The following VEGFB variants were observed in gnomAD, a reference collection of about 807,000 sequenced individuals.
VEGFB encodes the protein vascular endothelial growth factor B.
In VEGFB, 24 loss-of-function variants were observed where a neutral mutation model predicts 22.5. The ratio of observed to expected loss-of-function variants is 1.07; its 90% confidence interval spans 0.77 to 1.50. The LOEUF is 1.50. Ranked by LOEUF, VEGFB falls within the 40% of genes most tolerant of loss-of-function variation. VEGFB has a pLI of 0.00. For missense variants in VEGFB, 327 were observed against 287.8 expected (o/e 1.14, Z -0.99); for synonymous variants, 141 against 117.4 (o/e 1.20, Z -1.30).
At chr11:64,237,309 T>C in intron 5 of VEGFB, 87 bp downstream of exon 5, 3 of 1,482,178 alleles carry the variant, frequency 2.0e-6, no homozygotes, top group Non-Finnish European at 2.8e-6. Context: ...CTCCCACCCG[T>C]CCCCCACTTT....
intron 1 of VEGFB, 48 bp from the exon 2 acceptor site, chr11:64,235,410 A>T (rs1473829970): frequency 6.3e-7 from 1 of 1,588,212 alleles, no homozygotes; most frequent in Non-Finnish European, 8.6e-7. Context: ...TGACAGGGCC[A>T]CACCCTCCTA....
At chr11:64,238,027 A>G (rs2030231374) in intron 6 of VEGFB, 2 of 507,564 alleles carry the variant, frequency 3.9e-6, no homozygotes, top group Non-Finnish European at 7.0e-6. Context: ...TGTGGTAGAC[A>G]TCTGCCCTTA....
intron 5 of VEGFB, 31 bp from the exon 6 acceptor site, chr11:64,237,389 C>T (rs1394122519): frequency 6.4e-7 from 1 of 1,559,946 alleles, no homozygotes; most frequent in South Asian, 1.1e-5. Flanking sequence ...CTCTTCCTTC[C>T]CACCCCAGAC....
intron 4 of VEGFB, 76 bp from the exon 5 acceptor site, chr11:64,237,085 AAGAGAGAGAGAGAGAGAGAGAGAGAG>A: frequency 6.7e-6 from 4 of 601,326 alleles, no homozygotes; most frequent in Non-Finnish European, 1.0e-5. Flanking sequence ...CACAGTCTCA[AAGAGAGAGAGAGAGAGAGAGAGAGAG>A]AGAGAGAGAG....
In VEGFB at chr11:64,237,464, GCTGGGACT is replaced by G. The variant is rs1565318526; in HGVS notation, c.459_466del (p.Trp153CysfsTer9). On this transcript the variant is annotated frameshift_variant, in exon 6 of 7. Coordinates refer to ENST00000309422, the MANE Select transcript of VEGFB (RefSeq NM_003377.5). LOFTEE classifies it high-confidence loss of function. Reference sequence around the variant, plus strand: ...CGTCCCCAGCCCCGTTCTGTTCCGGGCTGGGACTCTGCCCCCGGAGCACCCTCCCCAGC... The same window carrying G: ...CGTCCCCAGCCCCGTTCTGTTCCGGGCTGCCCCCGGAGCACCCTCCCCAGC... 6.2e-7 allele frequency: 1 copy of G among 1,611,854 alleles called. No individual in the cohort carries two copies. The highest frequency in any genetic ancestry group is 1.7e-5 in the Admixed American group (1 of 59,968).
intron 2 of VEGFB, 136 bp from the exon 3 acceptor site, chr11:64,235,677 G>T (rs2029955190): frequency 2.4e-6 from 3 of 1,269,640 alleles, no homozygotes; most frequent in Non-Finnish European, 2.2e-6. Context: ...AAACAGGGCA[G>T]GGGAAGACAG....
At chr11:64,237,135 G>A in intron 4 of VEGFB, 52 bp from the exon 5 acceptor site, 2 of 1,348,876 alleles carry the variant, frequency 1.5e-6, no homozygotes, top group African/African-American at 2.9e-5. Flanking sequence ...AGGATGCTGG[G>A]ATTTCCTGAT....
chr11:64,237,108 AGAGAGAGAG>A, intron 4 of VEGFB, 70 bp from the exon 5 acceptor site: 3 of 695,202 alleles, frequency 4.3e-6, no homozygotes, highest in Non-Finnish European at 4.6e-6. Flanking sequence ...AGAGAGAGAG[AGAGAGAGAG>A]AGAGAGTAGG....
chr11:64,237,674 G>A lies in VEGFB; in HGVS notation c.*22+19G>A. On this transcript the variant is annotated intron_variant, in intron 6 of 6. Transcript: ENST00000309422. Reference sequence around the variant, plus strand: ...CCTGCAGGTGAGGCGTCTGTGGGGTGGTGTTTGTTTGGGAAGGCACCAAGG... The same window carrying A: ...CCTGCAGGTGAGGCGTCTGTGGGGTAGTGTTTGTTTGGGAAGGCACCAAGG... 6.6e-7 allele frequency: 1 copy of A among 1,505,422 alleles called. No individual in the cohort carries two copies. Among genetic ancestry groups the A allele is most frequent in the Non-Finnish European group, 8.9e-7 (1 of 1,122,874 alleles). The allele number at this position is 1,505,422 out of a possible 1,614,324, so 93.3% of individuals were successfully genotyped here.
At position 64,235,950 on chromosome 11, in the gene VEGFB, T is replaced by C; in HGVS notation, c.241T>C (p.Cys81Arg). The change falls in exon 3 of 7, where the codon TGC becomes CGC. Residue 81 changes from cysteine to arginine, a missense_variant. Coordinates refer to ENST00000309422, the MANE Select transcript of VEGFB (RefSeq NM_003377.5). ...CGTGACTGTGCAGCGCTGTGGTGGC[T>C]GCTGCCCTGACGATGGCCTGGAGTG... ...SCVTVQRCGG[C>R]CPDDGLECVP... is the part of the protein sequence containing the mutation. 6.2e-7 allele frequency: 1 copy of C among 1,612,136 alleles called. No individual in the cohort carries two copies. The highest frequency in any genetic ancestry group is 8.5e-7 in the Non-Finnish European group (1 of 1,179,592).
intron 4 of VEGFB, 64 bp from the exon 5 acceptor site, chr11:64,237,123 G>GACAGA (rs1555056104): frequency 3.0e-6 from 2 of 661,992 alleles, no homozygotes; most frequent in Non-Finnish European, 4.6e-6. Flanking sequence ...GAGAGAGAGA[G>GACAGA]TAGGATGCTG....
At chr11:64,235,611 T>C (rs2029949932) in intron 2 of VEGFB, 111 bp downstream of exon 2, 1 of 1,315,346 alleles carries the variant, frequency 7.6e-7, no homozygotes, top group Non-Finnish European at 1.1e-6. Flanking sequence ...CAAACTATTA[T>C]TCTACCCATT....
chr11:64,236,371 G>C (rs11603042), intron 4 of VEGFB, 44 bp downstream of exon 4: 6 of 1,592,278 alleles, frequency 3.8e-6, no homozygotes, highest in East Asian at 4.5e-5. Flanking sequence ...GGCCAGGCTT[G>C]GGGGGTGCTG....
chr11:64,238,163 G>T (rs2286610), intron 6 of VEGFB, among the ~76,000 whole-genome samples, 193 bp from the exon 7 acceptor site: 1 of 152,136 alleles, frequency 6.6e-6, no homozygotes, highest in East Asian at 1.9e-4. Flanking sequence ...GGCCAGTGGG[G>T]GCTCCCGAGG....
intron 4 of VEGFB, 142 bp from the exon 5 acceptor site, chr11:64,237,045 T>G (rs1341158239): frequency 1.5e-6 from 1 of 674,642 alleles, no homozygotes; most frequent in Non-Finnish European, 2.4e-6. Context: ...ACCACGCCAC[T>G]GCACTCCAGC....
intron 5 of VEGFB, 57 bp from the exon 6 acceptor site, chr11:64,237,363 C>G: frequency 6.5e-7 from 1 of 1,538,970 alleles, no homozygotes; most frequent in South Asian, 1.2e-5. Context: ...TGCCCCGACC[C>G]CAGCTCTAGG....
rs150757614 is a variant in VEGFB at position 64,235,842 on chromosome 11, G to A, written c.133G>A (p.Ala45Thr). Residue 45 changes from alanine to threonine, a missense_variant, in exon 3 of 7, where the codon GCT (alanine) becomes ACT (threonine). Coordinates refer to ENST00000309422, the MANE Select transcript of VEGFB (RefSeq NM_003377.5). Reference sequence around the variant, plus strand: ...GTCATGGATAGATGTGTATACTCGCGCTACCTGCCAGCCCCGGGAGGTGGT... The same window carrying A: ...GTCATGGATAGATGTGTATACTCGCACTACCTGCCAGCCCCGGGAGGTGGT... ...VVSWIDVYTR[A>T]TCQPREVVVP... 1.1e-5 allele frequency: 17 copies of A among 1,613,940 alleles called. No homozygotes were observed. Among genetic ancestry groups the A allele is most frequent in the East Asian group, 2.2e-5 (1 of 44,888 alleles).
rs750010452 is a variant in VEGFB, at chr11:64,237,378, A to G, written c.411-42A>G. Reference sequence around the variant, plus strand: ...TGCCCCGACCCCAGCTCTAGGGAAGACTCTTCCTTCCCACCCCAGACATGT... The same window carrying G: ...TGCCCCGACCCCAGCTCTAGGGAAGGCTCTTCCTTCCCACCCCAGACATGT... On this transcript the variant is annotated intron_variant, in intron 5 of 6. Transcript: ENST00000309422. The G allele has an allele frequency of 1.2e-5, 18 of 1,537,406 alleles. No individual in the cohort carries two copies. The South Asian group carries it at 2.1e-4, about 18-fold the overall frequency.
chr11:64,236,441 C>T (rs987093394), intron 4 of VEGFB, 114 bp downstream of exon 4: 179 of 1,037,472 alleles, frequency 1.7e-4, no homozygotes, highest in African/African-American at 6.5e-4. Context: ...AGGGGCCGGG[C>T]GTGGTAGCTC....
Sources: gnomAD v4.1 joint callset for allele counts (sites outside exome capture counted in the v4.1 genomes callset) on GRCh38, gnomAD v4.1.1 for gene constraint, MANE v1.5 for transcripts, NCBI Gene and HGNC (gene_info 2026-07-23, HGNC 2026-07-21) for gene names.